ZFHX3: variants seen among roughly 807,000 people sequenced by gnomAD.
The protein encoded by ZFHX3 is zinc finger homeobox protein 3.
In ZFHX3, 42 loss-of-function variants were observed where a neutral mutation model predicts 279.1. That is an observed-to-expected ratio of 0.15 (90% CI 0.12 to 0.19). The LOEUF (loss-of-function observed/expected upper bound fraction) is 0.19. Ranked by LOEUF, ZFHX3 falls within the 10% of genes least tolerant of loss-of-function variation. ZFHX3 has a pLI of 1.00. For synonymous variants in ZFHX3, 2,293 were observed against 1,957.8 expected (o/e 1.17, Z -4.52); for missense variants, 4,981 against 4,754.0 (o/e 1.05, Z -1.40).
chr16:73,674,887 G>C (rs2142188766), intron 2 of ZFHX3, among the ~76,000 whole-genome samples: 1 of 152,272 alleles, frequency 6.6e-6, no homozygotes, highest in East Asian at 1.9e-4. Context: ...TGTCACATGT[G>C]AGACTTACAG....
At chr16:72,926,966 T>G (rs920680998) in intron 3 of ZFHX3, among the ~76,000 whole-genome samples, 2 of 152,150 alleles carry the variant, frequency 1.3e-5, no homozygotes, top group African/African-American at 2.4e-5. Flanking sequence ...AATCAAGAGG[T>G]CAGGAGACAG....
intron 1 of ZFHX3, among the ~76,000 whole-genome samples, chr16:73,719,990 G>A (rs958004507): frequency 7.2e-5 from 11 of 152,226 alleles, no homozygotes; most frequent in African/African-American, 2.4e-4. Context: ...TACAAGCCAT[G>A]TAATAAATAT....
intron 5 of ZFHX3, among the ~76,000 whole-genome samples, chr16:73,226,454 T>C (rs2012594044): frequency 6.6e-6 from 1 of 152,248 alleles, no homozygotes; most frequent in Non-Finnish European, 1.5e-5. Context: ...TTAAAATTAA[T>C]TGAGCAAGTA....
intron 2 of ZFHX3, among the ~76,000 whole-genome samples, chr16:73,552,978 A>G (rs1436017977): frequency 6.6e-6 from 1 of 152,108 alleles, no homozygotes; most frequent in Non-Finnish European, 1.5e-5. Context: ...TTCCAAGGAA[A>G]CTTTATCCTT....
chr16:72,787,548 G>C lies in ZFHX3; in HGVS notation c.10728C>G (p.Ala3576=). The C allele has an allele frequency of 6.2e-7, 1 of 1,614,064 alleles. No homozygotes were observed. The highest frequency in any genetic ancestry group is 8.5e-7 in the Non-Finnish European group (1 of 1,179,992). The part of the protein sequence containing the change: ...KEHPSLLPHS[A]CFPDPSTAST... ...ATGCGGTGCTAGGATCGGGGAAGCA[G>C]GCAGAGTGAGGTAATAAACTAGGGT... is the stretch of plus-strand genomic sequence containing the variant. The change falls in exon 10 of 10, where the codon GCC becomes GCG. Residue 3576 remains alanine, a synonymous_variant. Coordinates refer to ENST00000268489, the MANE Select transcript of ZFHX3 (RefSeq NM_006885.4).
intron 3 of ZFHX3, among the ~76,000 whole-genome samples, chr16:73,372,049 C>T (rs2016641010): frequency 6.6e-6 from 1 of 152,210 alleles, no homozygotes; most frequent in Non-Finnish European, 1.5e-5. Flanking sequence ...AGTCAAAGGG[C>T]TTTTCAGAGT....
At chr16:72,836,403 C>T (rs2037193581) in intron 4 of ZFHX3, among the ~76,000 whole-genome samples, 1 of 152,202 alleles carries the variant, frequency 6.6e-6, no homozygotes. Context: ...GGTGTTCTTC[C>T]AGCCCTGACA....
chr16:72,864,450 G>A (rs549795274), intron 4 of ZFHX3, among the ~76,000 whole-genome samples: 4 of 149,046 alleles, frequency 2.7e-5, no homozygotes, highest in Non-Finnish European at 6.0e-5. Context: ...TGTCTTTGTA[G>A]GAAGTCTTGA....
At chr16:73,600,333 G>A (rs970580248) in intron 2 of ZFHX3, among the ~76,000 whole-genome samples, 2 of 151,580 alleles carry the variant, frequency 1.3e-5, no homozygotes, top group Non-Finnish European at 1.5e-5. Context: ...CACTGGACTT[G>A]TTCTTCCCCA....
chr16:73,097,978 G>C (rs948873608), intron 7 of ZFHX3, among the ~76,000 whole-genome samples: 3 of 152,008 alleles, frequency 2.0e-5, no homozygotes, highest in African/African-American at 7.2e-5. Flanking sequence ...CCACTCCCCT[G>C]TTGATGGACG....
At chr16:73,425,338 G>A (rs201155050) in intron 3 of ZFHX3, among the ~76,000 whole-genome samples, 1 of 152,164 alleles carries the variant, frequency 6.6e-6, no homozygotes, top group East Asian at 1.9e-4. Context: ...AATGATTATA[G>A]AAATACATAC....
At chr16:73,336,865 A>C (rs2015923388) in intron 3 of ZFHX3, among the ~76,000 whole-genome samples, 1 of 152,050 alleles carries the variant, frequency 6.6e-6, no homozygotes, top group Admixed American at 6.6e-5. Flanking sequence ...TCACAATTTC[A>C]AATTTCCTTC....
chr16:73,447,398 C>A (rs1056047797), intron 3 of ZFHX3, among the ~76,000 whole-genome samples: 36 of 151,972 alleles, frequency 2.4e-4, no homozygotes, highest in African/African-American at 8.5e-4. Context: ...TACCCTGAAT[C>A]CCAGAATGAG....
chr16:72,799,270 G>A (rs545137731), intron 8 of ZFHX3, among the ~76,000 whole-genome samples: 36 of 152,254 alleles, frequency 2.4e-4, no homozygotes, highest in African/African-American at 8.4e-4. Context: ...ACTTCTGATT[G>A]CCATCTCTAT....
At chr16:73,545,400 C>G (rs1596990297) in intron 2 of ZFHX3, among the ~76,000 whole-genome samples, 1 of 152,274 alleles carries the variant, frequency 6.6e-6, no homozygotes, top group Middle Eastern at 3.4e-3. Flanking sequence ...AGCATTAGCA[C>G]AGCGCTGGGC....
chr16:73,787,814 AGTGTGTGTGTGTGTGT>A (rs72236616), intron 1 of ZFHX3, among the ~76,000 whole-genome samples: 4 of 137,972 alleles, frequency 2.9e-5, no homozygotes, highest in Non-Finnish European at 6.2e-5. Flanking sequence ...GTTTTCTTAA[AGTGTGTGTGTGTGTGT>A]GTGTGTGTGT....
chr16:73,516,788 C>A (rs1417721231), intron 2 of ZFHX3, among the ~76,000 whole-genome samples: 2 of 152,210 alleles, frequency 1.3e-5, no homozygotes, highest in African/African-American at 4.8e-5. Context: ...GTCTGACACA[C>A]AGTAGCTGCA....
At chr16:72,913,185 C>T (rs975130363) in intron 3 of ZFHX3, among the ~76,000 whole-genome samples, 2 of 152,226 alleles carry the variant, frequency 1.3e-5, no homozygotes, top group Non-Finnish European at 2.9e-5. Context: ...ATCTTAACAG[C>T]TGGGACACTG....
rs147458869 is a variant in ZFHX3 at position 73,624,206 on chromosome 16, G to C, written c.-1547+55974C>G. 5.3e-4 allele frequency among the ~76,000 whole-genome samples: 81 copies of C among 152,172 alleles called. 1 individual carries two copies. The East Asian group carries it at 0.015, about 28-fold the overall frequency. On this transcript the variant is annotated intron_variant, in intron 2 of 17. Transcript: ENST00000641206. Reference sequence around the variant, plus strand: ...CATGGTGCCAGAAAATTTTAAAATAGCACTTGTTTGAGACTCAAGTCATGA... The same window carrying C: ...CATGGTGCCAGAAAATTTTAAAATACCACTTGTTTGAGACTCAAGTCATGA...
Sources: gnomAD v4.1 joint callset for allele counts (sites outside exome capture counted in the v4.1 genomes callset) on GRCh38, gnomAD v4.1.1 for gene constraint, MANE v1.5 for transcripts, NCBI Gene and HGNC (gene_info 2026-07-23, HGNC 2026-07-21) for gene names.